WDFY4: variants seen among roughly 807,000 people sequenced by gnomAD.
WDFY4 encodes WD repeat- and FYVE domain-containing protein 4.
A neutral mutation model predicts 351.9 loss-of-function variants in WDFY4; 169 were observed. The observed-to-expected ratio is 0.48, with a 90% CI of 0.42 to 0.55. The LOEUF is 0.55. Ranked by LOEUF, WDFY4 falls within the 20% of genes least tolerant of loss-of-function variation. WDFY4 has a pLI of 0.00. For synonymous variants in WDFY4, 1,622 were observed against 1,574.6 expected (o/e 1.03, Z -0.71); for missense variants, 3,803 against 3,935.6 (o/e 0.97, Z 0.90).
chr10:48,761,995 G>T (rs1035350693), intron 13 of WDFY4, among the ~76,000 whole-genome samples: 9 of 152,220 alleles, frequency 5.9e-5, no homozygotes, highest in Non-Finnish European at 8.8e-5. Flanking sequence ...TTACCTTGGG[G>T]CAGGACTCCT....
intron 55 of WDFY4, chr10:48,968,833 C>T (rs1842204533): frequency 1.9e-6 from 1 of 527,268 alleles, no homozygotes; most frequent in East Asian, 3.2e-5. Flanking sequence ...TTGTGCCTCC[C>T]TGTGACTCCT....
At chr10:48,903,276 G>A (rs188246943) in intron 47 of WDFY4, among the ~76,000 whole-genome samples, 86 of 152,260 alleles carry the variant, frequency 5.6e-4, no homozygotes, top group African/African-American at 1.9e-3. Flanking sequence ...TTCTCATGTC[G>A]GTTTTTATTC....
At chr10:48,737,063 A>T (rs2064693477) in intron 11 of WDFY4, among the ~76,000 whole-genome samples, 1 of 152,138 alleles carries the variant, frequency 6.6e-6, no homozygotes, top group Non-Finnish European at 1.5e-5. Context: ...CCTTTTTTAC[A>T]TAGCTTTTGT....
chr10:48,974,788 T>C (rs1377514511), intron 57 of WDFY4, 74 bp from the exon 58 acceptor site: 53 of 1,402,596 alleles, frequency 3.8e-5, no homozygotes, highest in Non-Finnish European at 9.5e-7. Context: ...CCCAGCTTTA[T>C]AGGGAGGGTG....
At position 48,840,297 on chromosome 10, in the gene WDFY4, T is replaced by C. The variant is rs548740078; in HGVS notation, c.6663+7588T>C. 7.9e-5 allele frequency among the ~76,000 whole-genome samples: 12 copies of C among 152,182 alleles called. No homozygotes were observed. The East Asian group carries it at 2.3e-3, about 29-fold the overall frequency. ...ATGGAGGTGGGGACACACTGCAGCA[T>C]CAGGGAAATTCAACCAGCCTGGGGC... is the stretch of plus-strand genomic sequence containing the variant. On this transcript the variant is annotated intron_variant, in intron 39 of 61. Coordinates refer to ENST00000325239, the MANE Select transcript of WDFY4 (RefSeq NM_001394531.1).
chr10:48,894,859 T>C (rs895298882), intron 44 of WDFY4, among the ~76,000 whole-genome samples: 1 of 152,230 alleles, frequency 6.6e-6, no homozygotes, highest in African/African-American at 2.4e-5. Flanking sequence ...GAATTGTCTC[T>C]GTGGCCTTAC....
At chr10:48,772,231 T>C (rs2065886978) in intron 13 of WDFY4, among the ~76,000 whole-genome samples, 1 of 151,866 alleles carries the variant, frequency 6.6e-6, no homozygotes, top group Admixed American at 6.6e-5. Flanking sequence ...CACAGCAAAG[T>C]CTTGTCTCAG....
chr10:48,821,081 C>T lies in WDFY4; in HGVS notation c.5729C>T (p.Thr1910Ile), dbSNP rs1209881622. The T allele has an allele frequency of 6.4e-7, 1 of 1,551,554 alleles. No homozygotes were observed. Among genetic ancestry groups the T allele is most frequent in the Non-Finnish European group, 8.7e-7 (1 of 1,146,958 alleles). Residue 1910 changes from threonine to isoleucine, a missense_variant, in exon 34 of 62, where the codon ACC (threonine) becomes ATC (isoleucine). Physicochemically the swap from Thr to Ile is moderately conservative, Grantham distance 89. This residue lies in a region of WDFY4 where 3,054 missense variants were observed against 3,148.6 expected (regional missense o/e 0.97). Transcript: ENST00000325239. Reference protein sequence around the residue: ...VLLEASPDHATSQQKRDFQSE... With the variant: ...VLLEASPDHAISQQKRDFQSE... ...TTCCAGGCTTCTCCAGACCACGCCA[C>T]CAGCCAACAGAAGCGAGACTTCCAG... is the stretch of plus-strand genomic sequence containing the variant.
intron 47 of WDFY4, among the ~76,000 whole-genome samples, 171 bp downstream of exon 47, chr10:48,902,034 T>A (rs1390861915): frequency 6.6e-6 from 1 of 152,248 alleles, no homozygotes; most frequent in Non-Finnish European, 1.5e-5. Context: ...AAATTCCTTC[T>A]GCCAGTTAAA....
At chr10:48,704,806 G>T (rs1352189843) in intron 1 of WDFY4, among the ~76,000 whole-genome samples, 3 of 152,232 alleles carry the variant, frequency 2.0e-5, no homozygotes, top group Admixed American at 2.0e-4. Flanking sequence ...ACCAGCTGTG[G>T]ACGAAGGCTG....
chr10:48,859,064 AT>A (rs1054138340), intron 39 of WDFY4, among the ~76,000 whole-genome samples: 5 of 151,830 alleles, frequency 3.3e-5, no homozygotes, highest in Non-Finnish European at 5.9e-5. Flanking sequence ...CTGTGACCGC[AT>A]TTTTTTTGTA....
At chr10:48,817,663 G>A (rs2067668914) in intron 32 of WDFY4, among the ~76,000 whole-genome samples, 1 of 152,252 alleles carries the variant, frequency 6.6e-6, no homozygotes, top group African/African-American at 2.4e-5. Context: ...TCTAATGGCA[G>A]ATAAAGTCCA....
At chr10:48,817,518 A>C in intron 32 of WDFY4, 109 bp downstream of exon 32, 1 of 1,347,182 alleles carries the variant, frequency 7.4e-7, no homozygotes, top group Admixed American at 2.7e-5. Flanking sequence ...AATACATTTT[A>C]AGGCAACTTG....
rs1294998355 is a variant in WDFY4 at position 48,725,891 on chromosome 10, A to G, written c.602A>G (p.Asn201Ser). 1 of 1,544,104 alleles carries G rather than the reference A, an allele frequency of 6.5e-7. No individual in the cohort carries two copies. The highest frequency in any genetic ancestry group is 1.4e-5 in the African/African-American group (1 of 72,938). ...CTTCTTATTTTTCAGATGTTGCTCA[A>G]TATTTGCAGTGACTCTCAGGGCCTG... ...VQKMFVQMLL[N>S]ICSDSQGLEG... The change falls in exon 6 of 62, where the codon AAT (asparagine) becomes AGT (serine). Residue 201 changes from asparagine to serine, a missense_variant. Asn to Ser is a conservative substitution (Grantham distance 46). This residue lies in a region of WDFY4 where 488 missense variants were observed against 456.8 expected (regional missense o/e 1.07). Transcript: ENST00000325239.
intron 12 of WDFY4, among the ~76,000 whole-genome samples, chr10:48,747,841 G>C (rs1798205793): frequency 6.6e-6 from 1 of 152,140 alleles, no homozygotes; most frequent in African/African-American, 2.4e-5. Context: ...AAGGTCCCTT[G>C]TATGATGTCT....
At chr10:48,947,324 T>A (rs10776659) in intron 51 of WDFY4, among the ~76,000 whole-genome samples, 1 of 151,630 alleles carries the variant, frequency 6.6e-6, no homozygotes, top group Non-Finnish European at 1.5e-5. Flanking sequence ...ATTAGAAAAA[T>A]AAATACGAGA....
At chr10:48,800,045 C>T (rs1004346758) in intron 24 of WDFY4, among the ~76,000 whole-genome samples, 1 of 152,014 alleles carries the variant, frequency 6.6e-6, no homozygotes, top group Non-Finnish European at 1.5e-5. Context: ...GCCACCACGC[C>T]CAGCTAATTT....
At chr10:48,756,408 T>A (rs1461105802) in intron 12 of WDFY4, among the ~76,000 whole-genome samples, 1 of 152,046 alleles carries the variant, frequency 6.6e-6, no homozygotes, top group Admixed American at 6.5e-5. Flanking sequence ...GAAGTTTTTT[T>A]TTTTATGGAT....
chr10:48,937,195 C>T (rs1840435981), intron 47 of WDFY4, among the ~76,000 whole-genome samples: 2 of 152,150 alleles, frequency 1.3e-5, no homozygotes, highest in Non-Finnish European at 2.9e-5. Context: ...TGCCAGCCAA[C>T]TTTCAGATTT....
Sources: allele counts gnomAD v4.1 joint callset (sites outside exome capture counted in the v4.1 genomes callset), GRCh38; gene constraint gnomAD v4.1.1; regional missense constraint gnomAD v4.1.1; transcripts MANE v1.5; gene names NCBI Gene and HGNC (gene_info 2026-07-23, HGNC 2026-07-21).